TRAM1: variants seen among roughly 807,000 people sequenced by gnomAD.
The protein encoded by TRAM1 is translocation associated membrane protein 1.
Under a neutral mutation model 48.7 loss-of-function variants are expected in TRAM1, and 17 were observed. The observed-to-expected ratio is 0.35, with a 90% CI of 0.24 to 0.52. The LOEUF (loss-of-function observed/expected upper bound fraction) is 0.52. Among genes scored for constraint, TRAM1 ranks in the 20% least tolerant of loss-of-function variants. TRAM1 has a pLI of 0.94. For synonymous variants in TRAM1, 182 were observed against 154.0 expected (o/e 1.18, Z -1.34); for missense variants, 351 against 441.5 (o/e 0.79, Z 1.84).
chr8:70,583,387 T>C, intron 9 of TRAM1, 63 bp from the exon 10 acceptor site: 3 of 1,504,756 alleles, frequency 2.0e-6, no homozygotes, highest in Non-Finnish European at 2.7e-6. Context: ...ATACATTCTA[T>C]CATCTTTCAT....
intron 1 of TRAM1, among the ~76,000 whole-genome samples, chr8:70,606,296 A>AAT (rs1390278619): frequency 6.6e-6 from 1 of 152,074 alleles, no homozygotes; most frequent in Non-Finnish European, 1.5e-5. Flanking sequence ...GGGCTCAAGT[A>AAT]ATTATCCCAC....
At position 70,585,051 on chromosome 8, in the gene TRAM1, A is replaced by G. The variant is rs1263202781; in HGVS notation, c.747-1258T>C. Among the ~76,000 whole-genome samples, 3 of 152,200 alleles carry G rather than the reference A, an allele frequency of 2.0e-5. No homozygotes were observed. The East Asian group carries it at 5.8e-4, about 29-fold the overall frequency. ...ACTATACTACAAGGCCACAGTAACCAAAACAGCATGGTACTGGTACCAAAA... is the reference window on the plus strand; with the variant it reads ...ACTATACTACAAGGCCACAGTAACCGAAACAGCATGGTACTGGTACCAAAA... On this transcript the variant is annotated intron_variant, in intron 8 of 10. Coordinates refer to ENST00000262213, the MANE Select transcript of TRAM1 (RefSeq NM_014294.6).
At chr8:70,603,458 T>G (rs766632293) in intron 1 of TRAM1, among the ~76,000 whole-genome samples, 1 of 152,162 alleles carries the variant, frequency 6.6e-6, no homozygotes, top group African/African-American at 2.4e-5. Context: ...GGCTCACACC[T>G]GTAATCCCAG....
At chr8:70,591,075 C>T (rs913586017) in intron 6 of TRAM1, among the ~76,000 whole-genome samples, 50 of 151,528 alleles carry the variant, frequency 3.3e-4, no homozygotes, top group African/African-American at 1.2e-3. Context: ...TTAACAAACA[C>T]CCTACATAAA....
At position 70,574,618 on chromosome 8, in the gene TRAM1, A is replaced by G. The variant is rs1816904844; in HGVS notation, c.*314T>C. 4.3e-6 allele frequency: 1 copy of G among 233,344 alleles called. No individual in the cohort carries two copies. The highest frequency in any genetic ancestry group is 8.2e-6 in the Non-Finnish European group (1 of 121,256). The allele number at this position is 233,344 out of a possible 1,614,324, so 14.5% of individuals were successfully genotyped here. A position where few individuals can be genotyped will look rare whatever the true frequency, so the allele number is the denominator to read the frequency against. ...GTGACAGCAAGAAATTGTATCACTGATATGTGGAATTTTTGTAAATAGTTT... is the reference window on the plus strand; with the variant it reads ...GTGACAGCAAGAAATTGTATCACTGGTATGTGGAATTTTTGTAAATAGTTT... On this transcript the variant is annotated 3_prime_UTR_variant, in exon 11 of 11. Coordinates refer to ENST00000262213, the MANE Select transcript of TRAM1 (RefSeq NM_014294.6).
chr8:70,587,416 C>A, intron 6 of TRAM1: 1 of 442,446 alleles, frequency 2.3e-6, no homozygotes, highest in South Asian at 3.8e-5. Flanking sequence ...CTATTCTGCT[C>A]CCACCCCACC....
At chr8:70,596,161 G>T in intron 5 of TRAM1, 102 bp downstream of exon 5, 2 of 812,868 alleles carry the variant, frequency 2.5e-6, no homozygotes, top group Non-Finnish European at 3.6e-6. Flanking sequence ...TCTATTTTAT[G>T]CATTTGCCTA....
intron 1 of TRAM1, among the ~76,000 whole-genome samples, chr8:70,604,948 A>G (rs559227344): frequency 5.3e-5 from 8 of 152,302 alleles, no homozygotes; most frequent in Non-Finnish European, 1.0e-4. Context: ...TTCATTGTAT[A>G]CTATGATTTG....
At chr8:70,583,837 A>G in intron 8 of TRAM1, 44 bp from the exon 9 acceptor site, 1 of 1,519,538 alleles carries the variant, frequency 6.6e-7, no homozygotes, top group Non-Finnish European at 8.8e-7. Context: ...AATCTCAAAA[A>G]CAAGATTCTA....
In TRAM1 at chr8:70,588,593, G is replaced by GA. The variant is rs952504743; in HGVS notation, c.571-1418dup. On this transcript the variant is annotated intron_variant, in intron 6 of 10. Coordinates refer to ENST00000262213, the MANE Select transcript of TRAM1 (RefSeq NM_014294.6). ...GCAGAGCCAGACGCTGTCTCAAAAA[G>GA]AAAAAAAAAGAAAAAGAAAATGCTA... Among the ~76,000 whole-genome samples, 7 of 148,966 alleles carry GA rather than the reference G, an allele frequency of 4.7e-5. No individual in the cohort carries two copies. In the East Asian group the frequency reaches 5.9e-4, roughly 13 times the overall value.
chr8:70,589,631 A>G (rs1051252564), intron 6 of TRAM1, among the ~76,000 whole-genome samples: 1 of 152,176 alleles, frequency 6.6e-6, no homozygotes, highest in Non-Finnish European at 1.5e-5. Context: ...TGAGCCCAGG[A>G]GTTCGAAACC....
intron 10 of TRAM1, among the ~76,000 whole-genome samples, chr8:70,578,257 C>A (rs895573577): frequency 1.3e-5 from 2 of 152,160 alleles, no homozygotes; most frequent in Admixed American, 6.5e-5. Context: ...TACAGGCATG[C>A]ACCACGATGC....
At chr8:70,581,125 T>C (rs1310970526) in intron 10 of TRAM1, among the ~76,000 whole-genome samples, 1 of 152,238 alleles carries the variant, frequency 6.6e-6, no homozygotes, top group Non-Finnish European at 1.5e-5. Flanking sequence ...AGGCAGCATA[T>C]GCCTGTAGTC....
chr8:70,575,034 C>T, intron 10 of TRAM1, 29 bp from the exon 11 acceptor site: 1 of 1,496,262 alleles, frequency 6.7e-7, no homozygotes, highest in East Asian at 2.3e-5. Flanking sequence ...CCATGTTACT[C>T]TCTTTTATAA....
At chr8:70,585,120 A>G (rs532225435) in intron 8 of TRAM1, among the ~76,000 whole-genome samples, 1 of 152,336 alleles carries the variant, frequency 6.6e-6, no homozygotes, top group Non-Finnish European at 1.5e-5. Flanking sequence ...CTCAGAAATA[A>G]TGCTGCATAT....
chr8:70,607,196 A>T (rs1758288964), intron 1 of TRAM1: 12 of 985,382 alleles, frequency 1.2e-5, no homozygotes, highest in Non-Finnish European at 1.3e-5. Context: ...TTCACCTTGC[A>T]AAGTTTATCA....
At chr8:70,605,788 CTATT>C (rs1352068475) in intron 1 of TRAM1, among the ~76,000 whole-genome samples, 1 of 152,106 alleles carries the variant, frequency 6.6e-6, no homozygotes, top group African/African-American at 2.4e-5. Context: ...TTAAAAACCT[CTATT>C]TAGTATTTTT....
chr8:70,606,591 G>A (rs1345444895), intron 1 of TRAM1, among the ~76,000 whole-genome samples: 1 of 152,152 alleles, frequency 6.6e-6, no homozygotes, highest in Non-Finnish European at 1.5e-5. Context: ...TCCTGATAAA[G>A]AGCAGAAAAA....
At chr8:70,583,399 G>C (rs1586753039) in intron 9 of TRAM1, 75 bp from the exon 10 acceptor site, 1 of 1,462,388 alleles carries the variant, frequency 6.8e-7, no homozygotes, top group Non-Finnish European at 9.2e-7. Context: ...ATCTTTCATA[G>C]TATTTAGTAA....
Sources: allele counts gnomAD v4.1 joint callset (sites outside exome capture counted in the v4.1 genomes callset), GRCh38; gene constraint gnomAD v4.1.1; transcripts MANE v1.5; gene names NCBI Gene and HGNC (gene_info 2026-07-23, HGNC 2026-07-21).